The following TAF4B variants were observed in gnomAD, a reference collection of about 807,000 sequenced individuals.
TAF4B encodes the protein TATA-box binding protein associated factor 4b.
TAF4B carries 38 observed loss-of-function variants against 86.4 expected under a neutral mutation model. That is an observed-to-expected ratio of 0.44 (90% CI 0.34 to 0.58). The LOEUF (loss-of-function observed/expected upper bound fraction) is 0.58, where lower values mean the gene tolerates loss of function less well. Among genes scored for constraint, TAF4B ranks in the 20% least tolerant of loss-of-function variants. The pLI, the probability that TAF4B is intolerant of heterozygous loss-of-function variation, is 0.02. For missense variants in TAF4B, 988 were observed against 1,027.6 expected, an observed-to-expected ratio of 0.96 and a Z score of 0.53; for synonymous variants, 388 against 391.2, an observed-to-expected ratio of 0.99 and a Z score of 0.10.
intron 11 of TAF4B, among the ~76,000 whole-genome samples, chr18:26,326,286 C>A (rs1038222170): frequency 6.6e-6 from 1 of 152,122 alleles, no homozygotes; most frequent in Non-Finnish European, 1.5e-5. Context: ...GTTTTACATC[C>A]ACAGAATAGA....
chr18:26,347,405 A>G (rs2057208686), intron 13 of TAF4B, among the ~76,000 whole-genome samples: 1 of 152,018 alleles, frequency 6.6e-6, no homozygotes, highest in African/African-American at 2.4e-5. Flanking sequence ...GAAGCTATAA[A>G]ACTCACTGGT....
intron 13 of TAF4B, among the ~76,000 whole-genome samples, chr18:26,356,661 C>CTTTCCTCTT (rs1267327483): frequency 6.6e-6 from 1 of 151,912 alleles, no homozygotes; most frequent in Non-Finnish European, 1.5e-5. Context: ...GCCCCAGATT[C>CTTTCCTCTT]TTTCCTCTTT....
At chr18:26,363,138 T>A (rs2057343713) in intron 14 of TAF4B, among the ~76,000 whole-genome samples, 1 of 152,088 alleles carries the variant, frequency 6.6e-6, no homozygotes, top group African/African-American at 2.4e-5. Context: ...TAATGTCAAT[T>A]TGAATTGAAA....
chr18:26,260,340 A>T (rs538030276), intron 1 of TAF4B, among the ~76,000 whole-genome samples: 32 of 152,322 alleles, frequency 2.1e-4, no homozygotes, highest in Admixed American at 4.6e-4. Flanking sequence ...GGTGTTTTAG[A>T]CATGAAGTCC....
At chr18:26,386,689 C>G (rs1024426965) in intron 14 of TAF4B, among the ~76,000 whole-genome samples, 2 of 152,136 alleles carry the variant, frequency 1.3e-5, no homozygotes, top group Non-Finnish European at 2.9e-5. Context: ...TGGTTCCTTT[C>G]ATTGAACATT....
intron 4 of TAF4B, 28 bp downstream of exon 4, chr18:26,274,852 A>C: frequency 1.2e-6 from 2 of 1,613,542 alleles, no homozygotes; most frequent in Non-Finnish European, 1.7e-6. Context: ...CCTTACATAA[A>C]TCTTGTTCCT....
chr18:26,320,739 AT>A (rs2056954881), intron 10 of TAF4B, among the ~76,000 whole-genome samples: 1 of 152,212 alleles, frequency 6.6e-6, no homozygotes, highest in South Asian at 2.1e-4. Flanking sequence ...TTAACAGAAT[AT>A]GGTACTAATT....
chr18:26,270,001 T>G (rs1273067230), intron 3 of TAF4B, among the ~76,000 whole-genome samples: 13 of 152,212 alleles, frequency 8.5e-5, no homozygotes. Context: ...GTTAACCACT[T>G]TAGACTATCA....
At chr18:26,235,042 G>A (rs1158253590) in intron 1 of TAF4B, among the ~76,000 whole-genome samples, 1 of 152,120 alleles carries the variant, frequency 6.6e-6, no homozygotes, top group African/African-American at 2.4e-5. Context: ...CTGGTTATGG[G>A]GTTGTCCCAT....
chr18:26,272,787 A>G (rs2056337511), intron 3 of TAF4B, among the ~76,000 whole-genome samples: 1 of 152,208 alleles, frequency 6.6e-6, no homozygotes, highest in South Asian at 2.1e-4. Context: ...AAAATTTATT[A>G]GAAAATCTCC....
At chr18:26,320,251 A>C (rs917757092) in intron 10 of TAF4B, among the ~76,000 whole-genome samples, 4 of 152,226 alleles carry the variant, frequency 2.6e-5, no homozygotes, top group Admixed American at 6.5e-5. Context: ...TTTAAAACAG[A>C]TGACCTAATT....
At chr18:26,287,597 C>T (rs1262958401) in intron 7 of TAF4B, among the ~76,000 whole-genome samples, 1 of 152,196 alleles carries the variant, frequency 6.6e-6, no homozygotes, top group Admixed American at 6.5e-5. Context: ...AAAATCATAA[C>T]GTTTTTAGTA....
intron 6 of TAF4B, among the ~76,000 whole-genome samples, chr18:26,285,222 G>GTTTTTTTTTTTTTGTTTTTTTTTTT (rs1555677502): frequency 2.0e-4 from 9 of 45,652 alleles, no homozygotes; most frequent in East Asian, 1.1e-3. Context: ...TTTTTTTTTT[G>GTTTTTTTTTTTTTGTTTTTTTTTTT]TTTTTTTTTT....
At chr18:26,357,274 G>C (rs1345126302) in intron 13 of TAF4B, among the ~76,000 whole-genome samples, 1 of 152,132 alleles carries the variant, frequency 6.6e-6, no homozygotes, top group Non-Finnish European at 1.5e-5. Flanking sequence ...AAATTATATA[G>C]CATAGTAGAA....
chr18:26,317,026 A>ATT (rs34772122), intron 10 of TAF4B, among the ~76,000 whole-genome samples: 99 of 117,134 alleles, frequency 8.5e-4, no homozygotes, highest in African/African-American at 1.8e-3. Context: ...CTCCCTTCCG[A>ATT]TTTTTTTTTT....
chr18:26,323,498 A>G (rs1256722888), intron 11 of TAF4B, among the ~76,000 whole-genome samples: 1 of 148,936 alleles, frequency 6.7e-6, no homozygotes, highest in Admixed American at 6.8e-5. Flanking sequence ...AGCTAAGACT[A>G]ACAGGCGTGT....
chr18:26,346,741 A>ATG (rs1465378366), intron 13 of TAF4B, among the ~76,000 whole-genome samples: 1 of 57,898 alleles, frequency 1.7e-5, no homozygotes, highest in African/African-American at 6.4e-5. Flanking sequence ...AGCCAAGAAT[A>ATG]TATATATATA....
intron 13 of TAF4B, among the ~76,000 whole-genome samples, chr18:26,345,504 G>T (rs2057169612): frequency 6.6e-6 from 1 of 152,082 alleles, no homozygotes; most frequent in African/African-American, 2.4e-5. Flanking sequence ...CTGAGAAACA[G>T]CCCAGTGAGC....
chr18:26,255,662 T>G (rs1225283668), intron 1 of TAF4B: 2 of 1,387,050 alleles, frequency 1.4e-6, no homozygotes, highest in Non-Finnish European at 2.0e-6. Context: ...TTTAGATGGT[T>G]TTTTTTGTTC....
Sources: gnomAD v4.1 joint callset for allele counts (sites outside exome capture counted in the v4.1 genomes callset) on GRCh38, gnomAD v4.1.1 for gene constraint, MANE v1.5 for transcripts, NCBI Gene and HGNC (gene_info 2026-07-23, HGNC 2026-07-21) for gene names.